The following PITPNM3 variants were observed in gnomAD, a reference collection of about 807,000 sequenced individuals.
The protein encoded by PITPNM3 is membrane-associated phosphatidylinositol transfer protein 3.
A neutral mutation model predicts 102.0 loss-of-function variants in PITPNM3; 26 were observed. The observed-to-expected ratio is 0.25, with a 90% CI of 0.19 to 0.35. PITPNM3 has a LOEUF of 0.35. PITPNM3 is among the 10% of genes least tolerant of loss of function. PITPNM3 has a pLI of 1.00. For synonymous variants in PITPNM3, 578 were observed against 558.6 expected (o/e 1.03, Z -0.49); for missense variants, 1,083 against 1,346.1 (o/e 0.80, Z 3.06).
intron 1 of PITPNM3, among the ~76,000 whole-genome samples, chr17:6,545,143 G>A (rs1376450791): frequency 6.6e-6 from 1 of 152,154 alleles, no homozygotes; most frequent in Non-Finnish European, 1.5e-5. Flanking sequence ...AAACCCTTCT[G>A]TGCCTCAGTC....
rs925886082 is a variant in PITPNM3 at position 6,459,214 on chromosome 17, C to A, written c.2491-1492G>T. Among the ~76,000 whole-genome samples the A allele has an allele frequency of 6.6e-6, 1 of 152,166 alleles. No individual in the cohort carries two copies. The highest frequency in any genetic ancestry group is 1.5e-5 in the Non-Finnish European group (1 of 68,032). On this transcript the variant is annotated intron_variant, in intron 18 of 19. Transcript: ENST00000262483. The surrounding 1 kb of genome is among the most constrained non-coding windows in gnomAD (Gnocchi z 5.0). ...CTCCCTGCTACTTTTGCCCCCTTGT[C>A]CTTCCGAACTGTCTTTTCCTCACAA...
chr17:6,486,891 T>C (rs1444158597), intron 4 of PITPNM3, among the ~76,000 whole-genome samples: 1 of 152,212 alleles, frequency 6.6e-6, no homozygotes. Context: ...ATCTTGTTAT[T>C]AGCCCCATTT....
chr17:6,503,860 C>G (rs1215843925), intron 3 of PITPNM3, among the ~76,000 whole-genome samples: 1 of 152,158 alleles, frequency 6.6e-6, no homozygotes, highest in Non-Finnish European at 1.5e-5. Context: ...CCTCCCTCCT[C>G]TATAAAGCAG....
rs61679065 is a variant in PITPNM3, at chr17:6,525,097, C to T, written c.226+259G>A. Reference sequence around the variant, plus strand: ...ACCCAGGCACCTGCCATTAACCACCCGTGCCACTGGGGTAGTCATTCTGTG... The same window carrying T: ...ACCCAGGCACCTGCCATTAACCACCTGTGCCACTGGGGTAGTCATTCTGTG... On this transcript the variant is annotated intron_variant, in intron 3 of 19. Coordinates refer to ENST00000262483, the MANE Select transcript of PITPNM3 (RefSeq NM_031220.4). Among the ~76,000 whole-genome samples the T allele has an allele frequency of 7.3e-3, 1,112 of 152,328 alleles. 17 individuals carry two copies. Among genetic ancestry groups the T allele is most frequent in the African/African-American group, 0.025 (1,054 of 41,564 alleles).
intron 4 of PITPNM3, among the ~76,000 whole-genome samples, chr17:6,501,722 T>C (rs1231092207): frequency 1.3e-5 from 2 of 152,144 alleles, no homozygotes; most frequent in African/African-American, 2.4e-5. Context: ...CCTCAGTTGC[T>C]ATTTTCTGAG....
intron 1 of PITPNM3, 123 bp from the exon 2 acceptor site, chr17:6,538,205 C>T (rs1220524677): frequency 1.6e-5 from 12 of 740,882 alleles, no homozygotes; most frequent in Non-Finnish European, 2.7e-5. Context: ...CCTCTCCCTC[C>T]GAGGCCTCAG....
intron 2 of PITPNM3, among the ~76,000 whole-genome samples, chr17:6,533,024 G>A (rs1482517184): frequency 1.3e-5 from 2 of 152,070 alleles, no homozygotes; most frequent in Non-Finnish European, 2.9e-5. Context: ...GTACAATGGC[G>A]CGATCTCAGC....
intron 17 of PITPNM3, among the ~76,000 whole-genome samples, chr17:6,463,391 A>G (rs1030406794): frequency 2.1e-5 from 2 of 95,352 alleles, no homozygotes; most frequent in African/African-American, 6.6e-5. Flanking sequence ...GGGCCTCAGA[A>G]AGCAGCGGAT....
At chr17:6,506,174 A>C (rs906158810) in intron 3 of PITPNM3, among the ~76,000 whole-genome samples, 1 of 152,052 alleles carries the variant, frequency 6.6e-6, no homozygotes, top group Non-Finnish European at 1.5e-5. Flanking sequence ...ATCATACTCC[A>C]CCAAAACCAG....
intron 1 of PITPNM3, among the ~76,000 whole-genome samples, chr17:6,540,026 T>C (rs540214407): frequency 6.6e-6 from 1 of 152,288 alleles, no homozygotes; most frequent in African/African-American, 2.4e-5. Flanking sequence ...ATGCACGGTT[T>C]AGATCCATCC....
rs546298331 is a variant in PITPNM3, at chr17:6,533,714, C to G, written c.118+4273G>C. On this transcript the variant is annotated intron_variant, in intron 2 of 19. Transcript: ENST00000262483. ...TCGTGATCCGCCTGCCTCTGCCTCC[C>G]AAAGTGCTGAGATTACAGCCACTGT... 4.6e-5 allele frequency among the ~76,000 whole-genome samples: 7 copies of G among 152,316 alleles called. No homozygotes were observed. The South Asian group carries it at 1.5e-3, about 32-fold the overall frequency.
intron 1 of PITPNM3, among the ~76,000 whole-genome samples, chr17:6,541,434 A>G (rs1282022171): frequency 6.6e-6 from 1 of 152,062 alleles, no homozygotes; most frequent in Non-Finnish European, 1.5e-5. Context: ...TGGTGTGTCC[A>G]AGGGGCAGAA....
intron 1 of PITPNM3, among the ~76,000 whole-genome samples, chr17:6,544,847 CCACACACACACACACACT>C (rs949264334): frequency 1.1e-5 from 1 of 95,130 alleles, no homozygotes; most frequent in Non-Finnish European, 2.2e-5. Flanking sequence ...GCTCATGCAG[CCACACACACACACACACT>C]CACACACACA....
At chr17:6,545,986 G>C (rs145189565) in intron 1 of PITPNM3, among the ~76,000 whole-genome samples, 80 of 152,338 alleles carry the variant, frequency 5.3e-4, no homozygotes, top group South Asian at 8.3e-4. Context: ...CCCCCTCTCA[G>C]GGGAGCATCC....
rs9303207 is a variant in PITPNM3 at position 6,529,906 on chromosome 17, G to A, written c.119-4443C>T. Among the ~76,000 whole-genome samples, 486 of 152,352 alleles carry A rather than the reference G, an allele frequency of 3.2e-3. 2 individuals carry two copies. Among genetic ancestry groups the A allele is most frequent in the African/African-American group, 0.011 (445 of 41,582 alleles). On this transcript the variant is annotated intron_variant, in intron 2 of 19. Transcript: ENST00000262483. The stretch of plus-strand genomic sequence containing the variant: ...GACATGTTGGGGCTGGTTCCATGGC[G>A]TTCTCTTTTCCACTTCCCCTCCCCC...
At chr17:6,544,654 T>TCTCTCTCTCTCTCTCACA (rs376230474) in intron 1 of PITPNM3, among the ~76,000 whole-genome samples, 38 of 130,272 alleles carry the variant, frequency 2.9e-4, no homozygotes, top group African/African-American at 1.0e-3. Flanking sequence ...TCTCTCTCTC[T>TCTCTCTCTCTCTCTCACA]CACACACACA....
chr17:6,470,453 C>A lies in PITPNM3; in HGVS notation c.1625-45G>T, dbSNP rs547349474. 1.1e-5 allele frequency: 18 copies of A among 1,613,248 alleles called. No individual in the cohort carries two copies. The South Asian group carries it at 1.5e-4, about 14-fold the overall frequency. On this transcript the variant is annotated intron_variant, in intron 12 of 19. Transcript: ENST00000262483. This position sits in a 1 kb window ranked among gnomAD's most constrained non-coding sequence, Gnocchi z 4.8. ...GTGAGGATGCGTGGCCGGCCCGGGG[C>A]CTCACCCGAGGGGCAGCGGGGTCTC...
At chr17:6,503,469 A>T in intron 4 of PITPNM3, 58 bp downstream of exon 4, 1 of 1,572,384 alleles carries the variant, frequency 6.4e-7, no homozygotes, top group Non-Finnish European at 8.7e-7. Context: ...CCCAGGCTCA[A>T]TGAGCTTGCA....
intron 3 of PITPNM3, among the ~76,000 whole-genome samples, chr17:6,513,379 G>A (rs988694106): frequency 2.0e-5 from 3 of 152,100 alleles, no homozygotes; most frequent in Admixed American, 2.0e-4. Flanking sequence ...ATTCAAAGAC[G>A]ATGTAATCCT....
Sources: allele counts gnomAD v4.1 joint callset (sites outside exome capture counted in the v4.1 genomes callset), GRCh38; gene constraint gnomAD v4.1.1; non-coding constraint Gnocchi (gnomAD v3.1); transcripts MANE v1.5; gene names NCBI Gene and HGNC (gene_info 2026-07-23, HGNC 2026-07-21).